SEC24A: variants seen among roughly 807,000 people sequenced by gnomAD.
SEC24A encodes the protein SEC24 homolog A, COPII component.
A neutral mutation model predicts 129.4 loss-of-function variants in SEC24A; 93 were observed. That is an observed-to-expected ratio of 0.72 (90% CI 0.61 to 0.85). SEC24A has a LOEUF of 0.85. Among genes scored for constraint, SEC24A ranks in the 40% least tolerant of loss-of-function variants. The pLI is 0.00. For missense variants in SEC24A, 1,264 were observed against 1,307.4 expected (o/e 0.97, Z 0.51); for synonymous variants, 460 against 467.3 (o/e 0.98, Z 0.20).
rs1750686442 is a variant in SEC24A at position 134,667,039 on chromosome 5, T to G, written c.739+43T>G. 2.0e-6 allele frequency: 3 copies of G among 1,479,822 alleles called. No individual in the cohort carries two copies. The African/African-American group carries it at 4.3e-5, about 21-fold the overall frequency. 91.7% of individuals were successfully genotyped at this position (1,479,822 alleles called of 1,614,324 possible). A position where few individuals can be genotyped will look rare whatever the true frequency, so the allele number is the denominator to read the frequency against. The stretch of plus-strand genomic sequence containing the variant: ...CAAAGTCAAATCCTCAAGTTTTGAC[T>G]TAGGGTAGAAAGATGAATATTAGCT... On this transcript the variant is annotated intron_variant, in intron 3 of 22. Coordinates refer to ENST00000398844, the MANE Select transcript of SEC24A (RefSeq NM_021982.3).
chr5:134,656,913 A>T (rs1337492293), intron 1 of SEC24A, among the ~76,000 whole-genome samples: 1 of 150,324 alleles, frequency 6.7e-6, no homozygotes, highest in Non-Finnish European at 1.5e-5. Context: ...AAGTGGGTGG[A>T]GTGGCTCATG....
chr5:134,687,343 T>C (rs1751488006), intron 10 of SEC24A, among the ~76,000 whole-genome samples: 1 of 152,222 alleles, frequency 6.6e-6, no homozygotes, highest in African/African-American at 2.4e-5. Flanking sequence ...TTATTTTTTG[T>C]TCCTAGTTGT....
chr5:134,716,857 A>G (rs932836962), intron 19 of SEC24A, among the ~76,000 whole-genome samples: 5 of 149,044 alleles, frequency 3.4e-5, no homozygotes, highest in African/African-American at 1.2e-4. Flanking sequence ...AAAATTGCCT[A>G]TGAAATTTGA....
chr5:134,715,222 G>C, intron 19 of SEC24A, 61 bp downstream of exon 19: 1 of 1,336,018 alleles, frequency 7.5e-7, no homozygotes, highest in East Asian at 2.4e-5. Context: ...TCATAGTCCA[G>C]TACAGAAATG....
At chr5:134,708,602 A>G (rs1752231652) in intron 17 of SEC24A, 111 bp from the exon 18 acceptor site, 1 of 971,170 alleles carries the variant, frequency 1.0e-6, no homozygotes, top group Non-Finnish European at 1.5e-6. Context: ...TATGTAGTAA[A>G]TTGGAGAGAT....
intron 21 of SEC24A, among the ~76,000 whole-genome samples, chr5:134,723,024 A>G (rs1009537492): frequency 2.0e-5 from 3 of 152,114 alleles, no homozygotes; most frequent in African/African-American, 7.2e-5. Flanking sequence ...CAGGTGGCAC[A>G]CGCCTCTTAT....
In SEC24A at chr5:134,671,879, C is replaced by T; in HGVS notation, c.810C>T (p.Gly270=). 1.9e-6 allele frequency: 3 copies of T among 1,603,434 alleles called. No homozygotes were observed. Among genetic ancestry groups the T allele is most frequent in the East Asian group, 4.5e-5 (2 of 44,668 alleles). ...GTTACGACGAGATTGAAGGAGGTGG[C>T]TTATTGGGTGAGATGCTATGAAAGT... ...HSSYDEIEGG[G]LLATPQLTNK... Residue 270 remains glycine (G), a synonymous_variant, in exon 4 of 23, where the codon GGC becomes GGT. Coordinates refer to ENST00000398844, the MANE Select transcript of SEC24A (RefSeq NM_021982.3).
chr5:134,657,260 G>C (rs1433979877), intron 1 of SEC24A, among the ~76,000 whole-genome samples: 1 of 150,882 alleles, frequency 6.6e-6, no homozygotes, highest in African/African-American at 2.4e-5. Flanking sequence ...TATTGCCCAG[G>C]CTGGTCTCAA....
chr5:134,715,167 A>G lies in SEC24A; in HGVS notation c.2865+6A>G, dbSNP rs772501964. 1.2e-6 allele frequency: 2 copies of G among 1,607,622 alleles called. No homozygotes were observed. The highest frequency in any genetic ancestry group is 3.4e-5 in the Admixed American group (2 of 58,104). On this transcript the variant is annotated splice_donor_region_variant and intron_variant, in intron 19 of 22. Coordinates refer to ENST00000398844, the MANE Select transcript of SEC24A (RefSeq NM_021982.3). ...TTGACAATCTCTCAGATGAGGTAAG[A>G]TGGATTGCTTTTTTGTGGTTTTACT...
At position 134,676,105 on chromosome 5, in the gene SEC24A, C is replaced by T. The variant is rs1186146300; in HGVS notation, c.1234C>T (p.His412Tyr). 8.1e-6 allele frequency: 13 copies of T among 1,610,288 alleles called. No homozygotes were observed. Among genetic ancestry groups the T allele is most frequent in the Non-Finnish European group, 1.1e-5 (13 of 1,177,696 alleles). ...CAAACTTCCTTTGGGGCTGCTGCTTCATCCTTTCAAAGACTTAGTGGTATG... is the reference window on the plus strand; with the variant it reads ...CAAACTTCCTTTGGGGCTGCTGCTTTATCCTTTCAAAGACTTAGTGGTATG... ...KAKLPLGLLL[H>Y]PFKDLVQLPV... is the part of the protein sequence containing the mutation. The change falls in exon 7 of 23, where the codon CAT becomes TAT. Residue 412 changes from histidine to tyrosine, a missense_variant. Physicochemically the swap from His to Tyr is moderately conservative, Grantham distance 83 (BLOSUM62 2). Coordinates refer to ENST00000398844, the MANE Select transcript of SEC24A (RefSeq NM_021982.3).
chr5:134,657,889 A>T (rs906061815), intron 1 of SEC24A, among the ~76,000 whole-genome samples: 1 of 152,248 alleles, frequency 6.6e-6, no homozygotes, highest in African/African-American at 2.4e-5. Flanking sequence ...AATTATTTTT[A>T]TTAAATGTGT....
At chr5:134,669,660 G>A (rs193179467) in intron 3 of SEC24A, among the ~76,000 whole-genome samples, 166 of 150,800 alleles carry the variant, frequency 1.1e-3, no homozygotes, top group African/African-American at 3.8e-3. Flanking sequence ...TGTATTTTTA[G>A]TAGAGACGAG....
rs1215716713 is a variant in SEC24A, at chr5:134,722,541, A to G, written c.3064-1026A>G. Among the ~76,000 whole-genome samples, 24 of 152,054 alleles carry G rather than the reference A, an allele frequency of 1.6e-4. 1 individual carries two copies. Among genetic ancestry groups the G allele is most frequent in the Admixed American group, 1.6e-3 (24 of 15,254 alleles). ...TGGGAGGCAGAGGTTGCAGTGAGCC[A>G]ATATCACGCCATTGCACTCCAGCCT... is the stretch of plus-strand genomic sequence containing the variant. On this transcript the variant is annotated intron_variant, in intron 21 of 22. Transcript: ENST00000398844.
In SEC24A at chr5:134,649,107, G is replaced by A; in HGVS notation, c.31G>A (p.Gly11Ser). The part of the protein sequence containing the change: MSQPGIPASG[G>S]APASLQAQNG... ...CCAGCCGGGAATACCGGCCTCCGGCGGCGCCCCAGCCAGCCTCCAGGCCCA... is the reference window on the plus strand; with the variant it reads ...CCAGCCGGGAATACCGGCCTCCGGCAGCGCCCCAGCCAGCCTCCAGGCCCA... The change falls in exon 1 of 23, where the codon GGC becomes AGC. Residue 11 changes from glycine to serine, a missense_variant. Physicochemically the swap from Gly to Ser is moderately conservative, Grantham distance 56 (BLOSUM62 0). Coordinates refer to ENST00000398844, the MANE Select transcript of SEC24A (RefSeq NM_021982.3). 2.5e-6 allele frequency: 4 copies of A among 1,609,736 alleles called. No homozygotes were observed. Among genetic ancestry groups the A allele is most frequent in the Non-Finnish European group, 2.5e-6 (3 of 1,178,132 alleles).
intron 15 of SEC24A, among the ~76,000 whole-genome samples, chr5:134,699,248 C>CT (rs990993900): frequency 1.7e-3 from 246 of 142,724 alleles, no homozygotes; most frequent in South Asian, 6.4e-3. Flanking sequence ...TGCTTTTAAA[C>CT]TTTTTTTTTT....
At chr5:134,720,965 T>C (rs1176979628) in intron 20 of SEC24A, 33 bp from the exon 21 acceptor site, 2 of 1,185,898 alleles carry the variant, frequency 1.7e-6, no homozygotes, top group Middle Eastern at 1.9e-4. Context: ...TTATGTATGC[T>C]GCATCTCAAA....
At chr5:134,703,171 G>A (rs1008515714) in intron 15 of SEC24A, among the ~76,000 whole-genome samples, 1 of 152,236 alleles carries the variant, frequency 6.6e-6, no homozygotes, top group Admixed American at 6.5e-5. Flanking sequence ...ACTTAAATGA[G>A]TATATCTGTA....
In SEC24A at chr5:134,692,600, A is replaced by C; in HGVS notation, c.1724-2A>C. 7.8e-7 allele frequency: 1 copy of C among 1,280,638 alleles called. No homozygotes were observed. The highest frequency in any genetic ancestry group is 1.1e-6 in the Non-Finnish European group (1 of 892,918). 79.3% of individuals were successfully genotyped at this position (1,280,638 alleles called of 1,614,324 possible). A position where few individuals can be genotyped will look rare whatever the true frequency, so the allele number is the denominator to read the frequency against. On this transcript the variant is annotated splice_acceptor_variant, in intron 11 of 22. Transcript: ENST00000398844. LOFTEE classifies it high-confidence loss of function. ...AAAATAAATATGTATTTCTTCTTTC[A>C]GATGTTTTTATACCTATGCCAGAGA...
chr5:134,675,113 A>T lies in SEC24A; in HGVS notation c.1047A>T (p.Arg349Ser). 1 of 1,613,658 alleles carries T rather than the reference A, an allele frequency of 6.2e-7. No individual in the cohort carries two copies. Among genetic ancestry groups the T allele is most frequent in the Non-Finnish European group, 8.5e-7 (1 of 1,179,670 alleles). ...SGLSLQPEGL[R>S]VVNLLQERNM... ...TAAGTCTACAACCAGAGGGTCTAAG[A>T]GTTGTCAATCTTCTTCAAGAAAGAA... is the stretch of plus-strand genomic sequence containing the variant. The change falls in exon 6 of 23, where the codon AGA becomes AGT. Residue 349 changes from arginine (R) to serine (S), a missense_variant. Coordinates refer to ENST00000398844, the MANE Select transcript of SEC24A (RefSeq NM_021982.3).
Sources: gnomAD v4.1 joint callset for allele counts (sites outside exome capture counted in the v4.1 genomes callset) on GRCh38, gnomAD v4.1.1 for gene constraint, MANE v1.5 for transcripts, NCBI Gene and HGNC (gene_info 2026-07-23, HGNC 2026-07-21) for gene names.